The following SH3BP5 variants were observed in gnomAD, a reference collection of about 807,000 sequenced individuals.
SH3BP5 encodes the protein SH3 domain binding protein 5, also known as SH3 domain-binding protein 5.
In SH3BP5, 22 loss-of-function variants were observed where a neutral mutation model predicts 43.3. That is an observed-to-expected ratio of 0.51 (90% CI 0.36 to 0.73). SH3BP5 has a LOEUF of 0.73. SH3BP5 is among the 30% of genes least tolerant of loss of function. The pLI is 0.00. For synonymous variants in SH3BP5, 255 were observed against 225.8 expected, an observed-to-expected ratio of 1.13 and a Z score of -1.16; for missense variants, 529 against 586.9, an observed-to-expected ratio of 0.90 and a Z score of 1.02.
chr3:15,284,337 C>G (rs1289994733), intron 3 of SH3BP5, among the ~76,000 whole-genome samples: 1 of 152,214 alleles, frequency 6.6e-6, no homozygotes, highest in Non-Finnish European at 1.5e-5. Flanking sequence ...TTCTGGAAGC[C>G]TCTGCACATG....
At chr3:15,307,793 G>A (rs1311805450) in intron 2 of SH3BP5, among the ~76,000 whole-genome samples, 1 of 152,248 alleles carries the variant, frequency 6.6e-6, no homozygotes, top group Non-Finnish European at 1.5e-5. Context: ...CTCCCTGGTG[G>A]TGGCCAGTGC....
intron 5 of SH3BP5, chr3:15,260,087 C>T (rs1286280543): frequency 1.3e-5 from 6 of 475,046 alleles, no homozygotes; most frequent in African/African-American, 2.0e-5. Context: ...CAACTTAGCT[C>T]ATGTTCCTCC....
At chr3:15,332,207 T>C in intron 1 of SH3BP5, 64 bp downstream of exon 1, 2 of 1,545,032 alleles carry the variant, frequency 1.3e-6, no homozygotes, top group East Asian at 2.4e-5. Flanking sequence ...GCTGTACGCG[T>C]AGACACCGAC....
chr3:15,337,886 G>T (rs1245520249), intron 1 of SH3BP5, among the ~76,000 whole-genome samples: 5 of 128,390 alleles, frequency 3.9e-5, no homozygotes, highest in Admixed American at 9.5e-5. Flanking sequence ...TGGCACTATA[G>T]CCTGGGTGAC....
chr3:15,289,765 C>T (rs1697360887), intron 3 of SH3BP5, among the ~76,000 whole-genome samples: 1 of 152,152 alleles, frequency 6.6e-6, no homozygotes, highest in Admixed American at 6.5e-5. Context: ...CCTACATAAA[C>T]TAATACGGCA....
chr3:15,332,790 A>G (rs951202925), upstream of SH3BP5, among the ~76,000 whole-genome samples: 1 of 152,080 alleles, frequency 6.6e-6, no homozygotes, highest in Non-Finnish European at 1.5e-5. Flanking sequence ...ATATATCTCA[A>G]CTACGTAACG....
intron 2 of SH3BP5, among the ~76,000 whole-genome samples, chr3:15,323,295 C>T (rs888776120): frequency 6.6e-6 from 1 of 152,196 alleles, no homozygotes; most frequent in Non-Finnish European, 1.5e-5. Flanking sequence ...TCCCTCTGAC[C>T]CCCTTCCCAG....
intron 3 of SH3BP5, among the ~76,000 whole-genome samples, chr3:15,282,054 T>G (rs1226076612): frequency 6.6e-6 from 1 of 152,094 alleles, no homozygotes; most frequent in Non-Finnish European, 1.5e-5. Flanking sequence ...AAAACTGGCA[T>G]TGATTTGACC....
At chr3:15,297,529 T>C (rs928108577) in intron 3 of SH3BP5, among the ~76,000 whole-genome samples, 10 of 152,242 alleles carry the variant, frequency 6.6e-5, no homozygotes, top group African/African-American at 2.4e-4. Context: ...TGTAGTAAAT[T>C]GCAAAAGTAG....
chr3:15,282,156 T>C (rs1286095166), intron 3 of SH3BP5, among the ~76,000 whole-genome samples: 1 of 152,234 alleles, frequency 6.6e-6, no homozygotes, highest in Non-Finnish European at 1.5e-5. Context: ...ACCATTGTCT[T>C]GGGTCTACAA....
intron 4 of SH3BP5, among the ~76,000 whole-genome samples, chr3:15,265,696 T>C (rs1696620872): frequency 6.6e-6 from 1 of 151,988 alleles, no homozygotes. Flanking sequence ...GCATCAGGCA[T>C]GAGCTGTGTG....
At chr3:15,277,445 G>A (rs947895079) in intron 3 of SH3BP5, among the ~76,000 whole-genome samples, 6 of 152,132 alleles carry the variant, frequency 3.9e-5, no homozygotes, top group East Asian at 1.9e-4. Flanking sequence ...TGCAGAGACC[G>A]CCAACGAGGA....
At chr3:15,297,973 CTTTTTTTTTTT>C (rs57568903) in intron 3 of SH3BP5, among the ~76,000 whole-genome samples, 1 of 134,850 alleles carries the variant, frequency 7.4e-6, no homozygotes, top group Non-Finnish European at 1.6e-5. Flanking sequence ...TTTTCTTTTT[CTTTTTTTTTTT>C]TTTTTTTAAA....
In SH3BP5 at chr3:15,259,723, A is replaced by G. The variant is rs1381058435; in HGVS notation, c.669+38T>C. The G allele has an allele frequency of 3.1e-6, 5 of 1,606,524 alleles. No homozygotes were observed. In the Admixed American group the frequency reaches 6.7e-5, roughly 21 times the overall value. On this transcript the variant is annotated intron_variant, in intron 6 of 8. Transcript: ENST00000383791. ...AGAAAAGTGAAGCTTTGAGTGCAGA[A>G]AAATCTCATCAGTGACGAAGCCCAA... is the stretch of plus-strand genomic sequence containing the variant.
intron 2 of SH3BP5, among the ~76,000 whole-genome samples, chr3:15,306,310 G>A (rs533719434): frequency 6.6e-6 from 1 of 152,330 alleles, no homozygotes; most frequent in African/African-American, 2.4e-5. Context: ...AGTGAGCTAA[G>A]ATCGCGCCAC....
At chr3:15,268,792 G>A (rs1388684710) in intron 4 of SH3BP5, among the ~76,000 whole-genome samples, 1 of 152,136 alleles carries the variant, frequency 6.6e-6, no homozygotes, top group Non-Finnish European at 1.5e-5. Context: ...TCTGGAGATA[G>A]GGCCTTTGGG....
intron 3 of SH3BP5, among the ~76,000 whole-genome samples, chr3:15,297,474 T>C (rs1313371661): frequency 6.6e-6 from 1 of 152,190 alleles, no homozygotes; most frequent in African/African-American, 2.4e-5. Context: ...AGGATAATCT[T>C]ACATTTATTG....
intron 2 of SH3BP5, among the ~76,000 whole-genome samples, chr3:15,320,967 C>T (rs899666879): frequency 1.3e-5 from 2 of 152,148 alleles, no homozygotes; most frequent in Admixed American, 6.5e-5. Flanking sequence ...TGTATATTAT[C>T]TTGTTGATAT....
intron 4 of SH3BP5, among the ~76,000 whole-genome samples, chr3:15,268,615 G>C (rs1409719979): frequency 1.3e-5 from 2 of 152,150 alleles, no homozygotes; most frequent in Non-Finnish European, 2.9e-5. Flanking sequence ...GCCTGGAAGG[G>C]GGAAGAGGTA....
Sources: allele counts gnomAD v4.1 joint callset (sites outside exome capture counted in the v4.1 genomes callset), GRCh38; gene constraint gnomAD v4.1.1; transcripts MANE v1.5; gene names NCBI Gene and HGNC (gene_info 2026-07-23, HGNC 2026-07-21).